CNDP1: variants seen among roughly 807,000 people sequenced by gnomAD.
The protein encoded by CNDP1 is beta-Ala-His dipeptidase.
CNDP1 carries 44 observed loss-of-function variants against 58.1 expected under a neutral mutation model. That is an observed-to-expected ratio of 0.76 (90% CI 0.60 to 0.97). The LOEUF is 0.97. Ranked by LOEUF, CNDP1 falls within the 50% of genes least tolerant of loss-of-function variation. The pLI, the probability that CNDP1 is intolerant of heterozygous loss-of-function variation, is 0.00. For missense variants in CNDP1, 616 were observed against 655.1 expected (o/e 0.94, Z 0.65); for synonymous variants, 254 against 252.6 (o/e 1.01, Z -0.05).
intron 1 of CNDP1, among the ~76,000 whole-genome samples, chr18:74,538,072 C>T (rs1980527048): frequency 6.6e-6 from 1 of 152,196 alleles, no homozygotes; most frequent in African/African-American, 2.4e-5. Context: ...ACTTTCAAGC[C>T]ATCATTCAGT....
Position 74,538,543 on chromosome 18 carries a change from G to C in CNDP1, c.24+3852G>C, listed in dbSNP as rs1980538922. On this transcript the variant is annotated intron_variant, in intron 1 of 11. Coordinates refer to ENST00000358821, the MANE Select transcript of CNDP1 (RefSeq NM_032649.6). The stretch of plus-strand genomic sequence containing the variant: ...TGGACATGTATTTTCATTCCTCCAG[G>C]GTGTGTACCTGGGAGTGGAATTGCC... 3.9e-5 allele frequency among the ~76,000 whole-genome samples: 6 copies of C among 152,166 alleles called. 1 individual carries two copies. The South Asian group carries it at 1.2e-3, about 32-fold the overall frequency.
chr18:74,565,318 CA>C (rs1450152792), intron 5 of CNDP1, among the ~76,000 whole-genome samples: 2 of 152,174 alleles, frequency 1.3e-5, no homozygotes, highest in African/African-American at 4.8e-5. Context: ...CCTCACATTT[CA>C]AAACCAGCCA....
chr18:74,544,717 CAA>C (rs10562152), intron 1 of CNDP1, among the ~76,000 whole-genome samples: 9,417 of 63,092 alleles, frequency 0.15, 247 homozygotes, highest in South Asian at 0.24. Flanking sequence ...GGTTCTGTCT[CAA>C]AAAAAAAAAA....
intron 10 of CNDP1, among the ~76,000 whole-genome samples, chr18:74,580,863 G>A (rs1464720044): frequency 6.6e-6 from 1 of 152,198 alleles, no homozygotes; most frequent in Non-Finnish European, 1.5e-5. Flanking sequence ...CAGCTACTCA[G>A]GAGGCTGAGG....
At chr18:74,564,052 G>A (rs755704939) in intron 5 of CNDP1, among the ~76,000 whole-genome samples, 6 of 152,112 alleles carry the variant, frequency 3.9e-5, no homozygotes, top group Non-Finnish European at 8.8e-5. Context: ...TCCCCCAAAA[G>A]CTCTTATCCA....
intron 4 of CNDP1, chr18:74,561,706 A>C (rs1981203735): frequency 4.4e-6 from 1 of 226,242 alleles, no homozygotes; most frequent in Non-Finnish European, 9.1e-6. Context: ...AGGCTATGCC[A>C]CGTGGCACTC....
intron 10 of CNDP1, among the ~76,000 whole-genome samples, chr18:74,581,262 G>GTT (rs1370976903): frequency 3.5e-5 from 5 of 143,366 alleles, no homozygotes; most frequent in African/African-American, 1.3e-4. Context: ...GTGTGTGTGT[G>GTT]TAAGCTTGAC....
At chr18:74,560,310 G>A (rs1018264598) in intron 3 of CNDP1, among the ~76,000 whole-genome samples, 3 of 152,166 alleles carry the variant, frequency 2.0e-5, no homozygotes, top group Admixed American at 6.5e-5. Flanking sequence ...CACCGTGCCC[G>A]GCCCGTCTGC....
At chr18:74,582,234 T>A (rs761974648) in intron 10 of CNDP1, among the ~76,000 whole-genome samples, 1 of 152,242 alleles carries the variant, frequency 6.6e-6, no homozygotes, top group Non-Finnish European at 1.5e-5. Flanking sequence ...CTAAACTGGT[T>A]CTGCGAACGA....
intron 5 of CNDP1, among the ~76,000 whole-genome samples, chr18:74,566,498 C>G (rs902874340): frequency 6.6e-6 from 1 of 152,184 alleles, no homozygotes; most frequent in African/African-American, 2.4e-5. Flanking sequence ...TTACCAGATA[C>G]CCTAAATCAT....
chr18:74,586,071 A>ATGTCAG lies in CNDP1; in HGVS notation c.*1517_*1522dup, dbSNP rs1981907784. 6.7e-6 allele frequency: 1 copy of ATGTCAG among 149,238 alleles called. No homozygotes were observed. 9.2% of individuals were successfully genotyped at this position (149,238 alleles called of 1,614,324 possible). ...TTCCATCACTCTGTTGGTTCTTGAG[A>ATGTCAG]TGTCAGTGTCAGTTTAAAAACGTGC... is the stretch of plus-strand genomic sequence containing the variant. On this transcript the variant is annotated 3_prime_UTR_variant, in exon 12 of 12. Transcript: ENST00000358821.
chr18:74,537,742 C>G (rs1321539665), intron 1 of CNDP1, among the ~76,000 whole-genome samples: 1 of 152,132 alleles, frequency 6.6e-6, no homozygotes, highest in East Asian at 1.9e-4. Context: ...TCACTCCGGG[C>G]AAAGAGTGGT....
Position 74,559,305 on chromosome 18 carries a change from G to A in CNDP1, c.154-18G>A, listed in dbSNP as rs781750309. The A allele has an allele frequency of 2.8e-5, 45 of 1,613,652 alleles. No individual in the cohort carries two copies. The highest frequency in any genetic ancestry group is 2.2e-4 in the East Asian group (10 of 44,866). ...TGTGGGACCCCAATGCTAATGGCCTGCTTGCTCTTCCTCCTAGACGCTGAA... is the reference window on the plus strand; with the variant it reads ...TGTGGGACCCCAATGCTAATGGCCTACTTGCTCTTCCTCCTAGACGCTGAA... On this transcript the variant is annotated intron_variant, in intron 2 of 11. Transcript: ENST00000358821.
intron 1 of CNDP1, among the ~76,000 whole-genome samples, chr18:74,549,507 C>CTT (rs1168276358): frequency 6.8e-6 from 1 of 146,756 alleles, no homozygotes; most frequent in African/African-American, 2.5e-5. Flanking sequence ...GTGAGCTGCA[C>CTT]TTTTTTTTTT....
At chr18:74,536,362 C>T (rs11151965) in intron 1 of CNDP1, among the ~76,000 whole-genome samples, 8,608 of 152,200 alleles carry the variant, frequency 0.057, 761 homozygotes, top group African/African-American at 0.19. Flanking sequence ...CATCATTTAG[C>T]TCCCACTTAC....
intron 5 of CNDP1, among the ~76,000 whole-genome samples, chr18:74,562,460 T>C (rs1037447361): frequency 6.6e-6 from 1 of 152,228 alleles, no homozygotes; most frequent in African/African-American, 2.4e-5. Context: ...CTGATGGGAC[T>C]GGTCTTTTTT....
At chr18:74,554,342 CT>C (rs1329048529) in intron 1 of CNDP1, among the ~76,000 whole-genome samples, 1 of 152,168 alleles carries the variant, frequency 6.6e-6, no homozygotes, top group Non-Finnish European at 1.5e-5. Context: ...AGTGGCTTTC[CT>C]TTTGGGCATG....
chr18:74,553,140 A>G (rs1269753078), intron 1 of CNDP1, among the ~76,000 whole-genome samples: 1 of 152,184 alleles, frequency 6.6e-6, no homozygotes, highest in African/African-American at 2.4e-5. Flanking sequence ...GTCTTTTATT[A>G]TTGAACTGTA....
At chr18:74,576,754 A>T in intron 7 of CNDP1, 115 bp from the exon 8 acceptor site, 1 of 900,698 alleles carries the variant, frequency 1.1e-6, no homozygotes, top group South Asian at 2.3e-5. Context: ...ACGGGGACCC[A>T]GACAGTCAAG....
Sources: allele counts gnomAD v4.1 joint callset (sites outside exome capture counted in the v4.1 genomes callset), GRCh38; gene constraint gnomAD v4.1.1; transcripts MANE v1.5; gene names NCBI Gene and HGNC (gene_info 2026-07-23, HGNC 2026-07-21).